Variants in RIMBP2 observed in about 807,000 individuals in gnomAD.
RIMBP2 encodes the protein RIMS-binding protein 2.
A neutral mutation model predicts 118.6 loss-of-function variants in RIMBP2; 48 were observed. The observed-to-expected ratio is 0.40, with a 90% CI of 0.32 to 0.51. The LOEUF is 0.51. Among genes scored for constraint, RIMBP2 ranks in the 20% least tolerant of loss-of-function variants. RIMBP2 has a pLI of 0.41. For missense variants in RIMBP2, 1,551 were observed against 1,768.3 expected (o/e 0.88, Z 2.20); for synonymous variants, 762 against 742.9 (o/e 1.03, Z -0.42).
Position 130,396,871 on chromosome 12 carries a change from C to T in RIMBP2, c.*490G>A, listed in dbSNP as rs897939847. 2.6e-5 allele frequency: 4 copies of T among 152,622 alleles called. No homozygotes were observed. Among genetic ancestry groups the T allele is most frequent in the Admixed American group, 2.0e-4 (3 of 15,272 alleles). 9.5% of individuals were successfully genotyped at this position (152,622 alleles called of 1,614,324 possible). Reference sequence around the variant, plus strand: ...GAATGCACGACACATACAAAGTATACACTGTTTTTATTAGACAGTACAAAT... The same window carrying T: ...GAATGCACGACACATACAAAGTATATACTGTTTTTATTAGACAGTACAAAT... On this transcript the variant is annotated 3_prime_UTR_variant, in exon 23 of 23. Transcript: ENST00000690449.
chr12:130,713,278 G>T, intron 1 of RIMBP2, among the ~76,000 whole-genome samples: 1 of 148,644 alleles, frequency 6.7e-6, no homozygotes, highest in Non-Finnish European at 1.5e-5. Flanking sequence ...AGGAAGGACT[G>T]AGGAGTATGG....
At chr12:130,582,019 C>T (rs2058513709) in intron 2 of RIMBP2, among the ~76,000 whole-genome samples, 1 of 152,096 alleles carries the variant, frequency 6.6e-6, no homozygotes, top group Non-Finnish European at 1.5e-5. Context: ...CTGCCTGGCA[C>T]TCTCTTCCGT....
intron 1 of RIMBP2, among the ~76,000 whole-genome samples, chr12:130,656,858 A>G (rs915809445): frequency 1.3e-5 from 2 of 152,104 alleles, no homozygotes; most frequent in African/African-American, 4.8e-5. Context: ...GCAGTGAGCC[A>G]AGATTGCACC....
rs1409237899 is a variant in RIMBP2 at position 130,506,756 on chromosome 12, A to G, written c.-112T>C. The stretch of plus-strand genomic sequence containing the variant: ...GGGTGAGCGGATGGTTGAGATGCAC[A>G]TACTCTGCCTTCACCTGCAAGCGGA... On this transcript the variant is annotated 5_prime_UTR_variant, in exon 4 of 23. It removes an upstream start codon present in the reference 5' UTR. Coordinates refer to ENST00000690449, the MANE Select transcript of RIMBP2 (RefSeq NM_001393629.1). 6 of 985,602 alleles carry G rather than the reference A, an allele frequency of 6.1e-6. No homozygotes were observed. The highest frequency in any genetic ancestry group is 1.7e-5 in the African/African-American group (1 of 57,230). The allele number at this position is 985,602 out of a possible 1,614,324, so 61.1% of individuals were successfully genotyped here. A position where few individuals can be genotyped will look rare whatever the true frequency, so the allele number is the denominator to read the frequency against.
At chr12:130,436,533 G>C (rs755724635) in intron 13 of RIMBP2, among the ~76,000 whole-genome samples, 12 of 152,154 alleles carry the variant, frequency 7.9e-5, no homozygotes, top group Non-Finnish European at 1.3e-4. Context: ...ACTTCCACCG[G>C]GCAACTCTCA....
intron 20 of RIMBP2, 80 bp downstream of exon 20, chr12:130,407,646 C>G: frequency 9.2e-7 from 1 of 1,082,224 alleles, no homozygotes; most frequent in Non-Finnish European, 1.4e-6. Flanking sequence ...GGTGAACACA[C>G]GTGGCCTCAG....
chr12:130,549,232 C>T (rs1316223870), intron 2 of RIMBP2, among the ~76,000 whole-genome samples: 1 of 152,186 alleles, frequency 6.6e-6, no homozygotes, highest in Non-Finnish European at 1.5e-5. Context: ...CAAATAAAAA[C>T]AGCCTCTACC....
chr12:130,648,802 C>G (rs1470957320), intron 1 of RIMBP2, among the ~76,000 whole-genome samples: 2 of 144,600 alleles, frequency 1.4e-5, no homozygotes, highest in Non-Finnish European at 3.1e-5. Context: ...GATTACAGGC[C>G]TGCACCACCA....
chr12:130,615,567 T>G (rs1262800893), intron 2 of RIMBP2, among the ~76,000 whole-genome samples: 1 of 151,762 alleles, frequency 6.6e-6, no homozygotes, highest in Non-Finnish European at 1.5e-5. Flanking sequence ...CGCCTCAGCC[T>G]CCCCAAAGTG....
chr12:130,428,468 G>T, intron 14 of RIMBP2, 131 bp from the exon 15 acceptor site: 1 of 883,056 alleles, frequency 1.1e-6, no homozygotes, highest in Non-Finnish European at 1.7e-6. Flanking sequence ...ACGGGCACAG[G>T]GTGTGTGTTA....
At chr12:130,630,830 T>G (rs572203742) in intron 1 of RIMBP2, among the ~76,000 whole-genome samples, 1 of 152,280 alleles carries the variant, frequency 6.6e-6, no homozygotes, top group Admixed American at 6.5e-5. Context: ...CAAAACAAGC[T>G]GTCAGTCAAG....
intron 1 of RIMBP2, among the ~76,000 whole-genome samples, chr12:130,693,726 T>C (rs1195370852): frequency 1.3e-5 from 2 of 152,226 alleles, no homozygotes; most frequent in East Asian, 3.9e-4. Context: ...GGGTGGCACA[T>C]GACAGCTCCA....
intron 1 of RIMBP2, among the ~76,000 whole-genome samples, chr12:130,644,504 A>G (rs2062761141): frequency 6.6e-6 from 1 of 152,182 alleles, no homozygotes; most frequent in South Asian, 2.1e-4. Context: ...ATCTATATAA[A>G]TGGGATGGGA....
Position 130,630,905 on chromosome 12 carries a change from G to T in RIMBP2, c.-351-2449C>A, listed in dbSNP as rs189770280. Among the ~76,000 whole-genome samples the T allele has an allele frequency of 1.2e-3, 188 of 152,110 alleles. 1 individual carries two copies. Among genetic ancestry groups the T allele is most frequent in the African/African-American group, 4.2e-3 (175 of 41,492 alleles). On this transcript the variant is annotated intron_variant, in intron 1 of 22. Transcript: ENST00000690449. ...CTCATAAAATGTACCTCCGCAGCCT[G>T]TTCTTTCTTAGGAAATGACTGGAAG...
chr12:130,514,321 G>A (rs2051215564), intron 3 of RIMBP2, among the ~76,000 whole-genome samples: 1 of 152,256 alleles, frequency 6.6e-6, no homozygotes, highest in Non-Finnish European at 1.5e-5. Context: ...ACAGCAGGGG[G>A]AGAAATTCAA....
At chr12:130,479,297 G>A (rs77554530) in intron 4 of RIMBP2, among the ~76,000 whole-genome samples, 6,625 of 152,318 alleles carry the variant, frequency 0.043, 503 homozygotes, top group African/African-American at 0.15. Context: ...TCATGCAAAT[G>A]TGACTTTCGT....
In RIMBP2 at chr12:130,547,830, C is replaced by T. The variant is rs139390562; in HGVS notation, c.-216-29913G>A. 3.7e-3 allele frequency among the ~76,000 whole-genome samples: 567 copies of T among 152,264 alleles called. 2 individuals carry two copies. Among genetic ancestry groups the T allele is most frequent in the African/African-American group, 0.013 (533 of 41,542 alleles). On this transcript the variant is annotated intron_variant, in intron 2 of 22. Coordinates refer to ENST00000690449, the MANE Select transcript of RIMBP2 (RefSeq NM_001393629.1). ...CTTCTGTTTTTCATCTCAGTGAAGA[C>T]GGATTAGAGAAACTTATTATATTTA...
intron 7 of RIMBP2, among the ~76,000 whole-genome samples, chr12:130,453,676 G>A (rs1032902404): frequency 1.3e-5 from 2 of 152,218 alleles, no homozygotes; most frequent in Non-Finnish European, 2.9e-5. Context: ...GGTTTCCAGG[G>A]GCCGGGCCGG....
intron 1 of RIMBP2, among the ~76,000 whole-genome samples, chr12:130,689,927 A>T (rs2136646141): frequency 6.6e-6 from 1 of 152,276 alleles, no homozygotes; most frequent in East Asian, 1.9e-4. Flanking sequence ...CTGGCCAGGC[A>T]GGCTCTTGTC....
Sources: gnomAD v4.1 joint callset for allele counts (sites outside exome capture counted in the v4.1 genomes callset) on GRCh38, gnomAD v4.1.1 for gene constraint, MANE v1.5 for transcripts, NCBI Gene and HGNC (gene_info 2026-07-23, HGNC 2026-07-21) for gene names.